Variants in TMTC3 observed in about 807,000 individuals in gnomAD.
The protein encoded by TMTC3 is protein O-mannosyl-transferase TMTC3.
In TMTC3, 52 loss-of-function variants were observed where a neutral mutation model predicts 92.2. The ratio of observed to expected loss-of-function variants is 0.56; its 90% CI spans 0.45 to 0.71. The LOEUF is 0.71. Among genes scored for constraint, TMTC3 ranks in the 30% least tolerant of loss-of-function variants. TMTC3 has a pLI of 0.00. For synonymous variants in TMTC3, 339 were observed against 363.3 expected (o/e 0.93, Z 0.76); for missense variants, 896 against 1,057.1 (o/e 0.85, Z 2.11).
chr12:88,174,762 C>T (rs1168306326), intron 9 of TMTC3, 35 bp downstream of exon 9: 2 of 1,607,482 alleles, frequency 1.2e-6, no homozygotes, highest in East Asian at 4.5e-5. Flanking sequence ...GAAAGTATGT[C>T]ATCAGTGATT....
intron 7 of TMTC3, among the ~76,000 whole-genome samples, chr12:88,168,827 A>G (rs1302959421): frequency 6.6e-6 from 1 of 152,238 alleles, no homozygotes; most frequent in Non-Finnish European, 1.5e-5. Flanking sequence ...AGACAAGAGC[A>G]TGTTTAAATA....
intron 10 of TMTC3, among the ~76,000 whole-genome samples, chr12:88,182,530 C>A (rs1046590703): frequency 4.6e-5 from 7 of 152,100 alleles, no homozygotes; most frequent in African/African-American, 1.7e-4. Flanking sequence ...CTTTTGAGGT[C>A]TAACTGACCA....
chr12:88,147,425 C>T (rs546786128), intron 1 of TMTC3, among the ~76,000 whole-genome samples: 2 of 152,228 alleles, frequency 1.3e-5, no homozygotes, highest in Admixed American at 1.3e-4. Flanking sequence ...AGGTAGATAT[C>T]CTGAGTTGTT....
rs78874707 is a variant in TMTC3 at position 88,194,541 on chromosome 12, C to G, written c.1934-297C>G. Among the ~76,000 whole-genome samples the G allele has an allele frequency of 6.9e-3, 1,046 of 152,168 alleles. 17 individuals are homozygous for G. Among genetic ancestry groups the G allele is most frequent in the African/African-American group, 0.024 (1,008 of 41,530 alleles). Reference sequence around the variant, plus strand: ...AATCCCATGCTTCTTTTTCTGAATTCTCTATTTTCCTTCTATTTCCAATTG... The same window carrying G: ...AATCCCATGCTTCTTTTTCTGAATTGTCTATTTTCCTTCTATTTCCAATTG... On this transcript the variant is annotated intron_variant, in intron 13 of 13. Coordinates refer to ENST00000266712, the MANE Select transcript of TMTC3 (RefSeq NM_181783.4).
At chr12:88,190,046 A>G (rs1370520414) in intron 11 of TMTC3, among the ~76,000 whole-genome samples, 3 of 152,118 alleles carry the variant, frequency 2.0e-5, no homozygotes, top group Admixed American at 6.6e-5. Flanking sequence ...TTCTGAGGAC[A>G]TAAGACTATG....
chr12:88,192,632 C>T lies in TMTC3; in HGVS notation c.1735C>T (p.Pro579Ser). 6.2e-7 allele frequency: 1 copy of T among 1,608,108 alleles called. No individual in the cohort carries two copies. The highest frequency in any genetic ancestry group is 1.1e-5 in the South Asian group (1 of 90,706). ...AGAATTGCTTTTAAAAATGAATAAACCTCTTAAAGCAAAGGAAGCATATCT... is the reference window on the plus strand; with the variant it reads ...AGAATTGCTTTTAAAAATGAATAAATCTCTTAAAGCAAAGGAAGCATATCT... ...RGELLLKMNK[P>S]LKAKEAYLKA... Residue 579 changes from proline to serine, a missense_variant, in exon 13 of 14, where the codon CCT becomes TCT. By Grantham distance (74) the Pro-to-Ser change is moderately conservative. Transcript: ENST00000266712.
rs1243798313 is a variant in TMTC3, at chr12:88,199,273, C to CTT, written c.*3625_*3626dup. The CTT allele has an allele frequency of 2.0e-5, 3 of 151,972 alleles. No homozygotes were observed. The highest frequency in any genetic ancestry group is 6.6e-5 in the Admixed American group (1 of 15,254). The allele number at this position is 151,972 out of a possible 1,614,324, so 9.4% of individuals were successfully genotyped here. A position where few individuals can be genotyped will look rare whatever the true frequency, so the allele number is the denominator to read the frequency against. On this transcript the variant is annotated 3_prime_UTR_variant, in exon 14 of 14. Transcript: ENST00000266712. Reference sequence around the variant, plus strand: ...GTGCCTGGTATTGCCTCTGGCATAACTTAGAGGAAATTGTTCTACCTATAT... The same window carrying CTT: ...GTGCCTGGTATTGCCTCTGGCATAACTTTTAGAGGAAATTGTTCTACCTATAT...
chr12:88,186,565 T>C (rs551826379), intron 10 of TMTC3, among the ~76,000 whole-genome samples: 4 of 152,252 alleles, frequency 2.6e-5, no homozygotes, highest in South Asian at 2.1e-4. Flanking sequence ...CATGCTGCTG[T>C]TGTTTTGGAT....
In TMTC3 at chr12:88,199,496, T is replaced by G. The variant is rs924213916; in HGVS notation, c.*3847T>G. 1 of 152,174 alleles carries G rather than the reference T, an allele frequency of 6.6e-6. No individual in the cohort carries two copies. Among genetic ancestry groups the G allele is most frequent in the African/African-American group, 2.4e-5 (1 of 41,454 alleles). The allele number at this position is 152,174 out of a possible 1,614,324, so 9.4% of individuals were successfully genotyped here. A position where few individuals can be genotyped will look rare whatever the true frequency, so the allele number is the denominator to read the frequency against. ...AGTCTTGGATTTGATGCATATGACT[T>G]AATTTGTATTTGTGCTAGTAGCTGT... On this transcript the variant is annotated 3_prime_UTR_variant, in exon 14 of 14. Transcript: ENST00000266712.
At chr12:88,187,019 A>C (rs2041385385) in intron 10 of TMTC3, among the ~76,000 whole-genome samples, 1 of 152,056 alleles carries the variant, frequency 6.6e-6, no homozygotes, top group Non-Finnish European at 1.5e-5. Context: ...CATTTTAAAT[A>C]CTCAGCTGGC....
chr12:88,143,521 T>A (rs1403337581), intron 1 of TMTC3, among the ~76,000 whole-genome samples: 3 of 152,240 alleles, frequency 2.0e-5, no homozygotes, highest in Non-Finnish European at 4.4e-5. Context: ...TGAACACAGA[T>A]CTCTCTGGCT....
chr12:88,143,538 C>CAT (rs1371226514), intron 1 of TMTC3, among the ~76,000 whole-genome samples: 4 of 152,176 alleles, frequency 2.6e-5, no homozygotes, highest in African/African-American at 9.7e-5. Flanking sequence ...GGCTGGAGGA[C>CAT]ATATTCTTAA....
intron 1 of TMTC3, among the ~76,000 whole-genome samples, chr12:88,143,412 C>A (rs2040805714): frequency 6.6e-6 from 1 of 152,120 alleles, no homozygotes; most frequent in Admixed American, 6.5e-5. Context: ...GTTTATTCTT[C>A]CTTACAATCC....
chr12:88,194,767 G>T, intron 13 of TMTC3, 71 bp from the exon 14 acceptor site: 1 of 1,023,890 alleles, frequency 9.8e-7, no homozygotes, highest in East Asian at 2.9e-5. Context: ...CTAAGTATTT[G>T]AAAATGGCTT....
chr12:88,176,741 C>T (rs968728673), intron 10 of TMTC3, among the ~76,000 whole-genome samples: 2 of 152,144 alleles, frequency 1.3e-5, no homozygotes, highest in African/African-American at 2.4e-5. Context: ...CATGATTATA[C>T]CACTGTACTC....
chr12:88,173,178 T>C (rs904284809), intron 8 of TMTC3: 120 of 1,017,226 alleles, frequency 1.2e-4, no homozygotes, highest in Non-Finnish European at 2.9e-5. Context: ...TTATAATCTT[T>C]GTATCCTAGT....
intron 12 of TMTC3, among the ~76,000 whole-genome samples, chr12:88,191,419 GA>G (rs1180944109): frequency 5.3e-5 from 8 of 152,066 alleles, no homozygotes; most frequent in Admixed American, 2.6e-4. Context: ...TGGTTTTAAT[GA>G]GAATATTAAT....
At chr12:88,174,102 C>G (rs2041233645) in intron 8 of TMTC3, among the ~76,000 whole-genome samples, 1 of 152,062 alleles carries the variant, frequency 6.6e-6, no homozygotes, top group Non-Finnish European at 1.5e-5. Context: ...TAATTTGCCT[C>G]TGTTTAATGA....
At chr12:88,146,433 A>G (rs561347550) in intron 1 of TMTC3, among the ~76,000 whole-genome samples, 10 of 152,080 alleles carry the variant, frequency 6.6e-5, no homozygotes, top group Admixed American at 5.2e-4. Context: ...AAGATAACCT[A>G]TTAGAGGATG....
Sources: allele counts gnomAD v4.1 joint callset (sites outside exome capture counted in the v4.1 genomes callset), GRCh38; gene constraint gnomAD v4.1.1; transcripts MANE v1.5; gene names NCBI Gene and HGNC (gene_info 2026-07-23, HGNC 2026-07-21).